ITFG1: variants seen among roughly 807,000 people sequenced by gnomAD.
The protein encoded by ITFG1 is T-cell immunomodulatory protein.
A neutral mutation model predicts 81.8 loss-of-function variants in ITFG1; 34 were observed. The ratio of observed to expected loss-of-function variants is 0.42; its 90% CI spans 0.32 to 0.55. ITFG1 has a LOEUF of 0.55. Among genes scored for constraint, ITFG1 ranks in the 20% least tolerant of loss-of-function variants. The pLI is 0.17. For synonymous variants in ITFG1, 285 were observed against 270.6 expected (o/e 1.05, Z -0.52); for missense variants, 672 against 755.4 (o/e 0.89, Z 1.29).
chr16:47,317,098 G>T (rs1337199467), intron 8 of ITFG1, among the ~76,000 whole-genome samples: 1 of 152,142 alleles, frequency 6.6e-6, no homozygotes, highest in East Asian at 1.9e-4. Context: ...GTAAAAATCA[G>T]CCTTTTTCAG....
At chr16:47,242,263 G>A (rs543639652) in intron 12 of ITFG1, among the ~76,000 whole-genome samples, 1 of 151,532 alleles carries the variant, frequency 6.6e-6, no homozygotes, top group East Asian at 1.9e-4. Flanking sequence ...CTAGATATCA[G>A]TTAGAAAATA....
chr16:47,184,844 AAG>A (rs1257890283), intron 14 of ITFG1, among the ~76,000 whole-genome samples: 1 of 152,196 alleles, frequency 6.6e-6, no homozygotes, highest in African/African-American at 2.4e-5. Flanking sequence ...AAATTGGATA[AAG>A]AGTCAAGACC....
chr16:47,442,814 G>A (rs1000907954), intron 5 of ITFG1, among the ~76,000 whole-genome samples: 4 of 152,110 alleles, frequency 2.6e-5, no homozygotes, highest in African/African-American at 7.2e-5. Flanking sequence ...GAAAACCTAG[G>A]CATTACCATT....
At chr16:47,187,324 A>G (rs1965233813) in intron 14 of ITFG1, among the ~76,000 whole-genome samples, 3 of 152,172 alleles carry the variant, frequency 2.0e-5, no homozygotes, top group Admixed American at 6.5e-5. Context: ...AGCCAAAAGA[A>G]CAAAGCTGGA....
At chr16:47,341,400 G>GAAA (rs545419792) in intron 8 of ITFG1, among the ~76,000 whole-genome samples, 1 of 64,348 alleles carries the variant, frequency 1.6e-5, no homozygotes, top group African/African-American at 6.0e-5. Context: ...CTGCGCCACT[G>GAAA]AAAAAAAAAA....
In ITFG1 at chr16:47,441,860, A is replaced by T. The variant is rs549212241; in HGVS notation, c.560+9536T>A. Among the ~76,000 whole-genome samples the T allele has an allele frequency of 2.0e-5, 3 of 151,864 alleles. No homozygotes were observed. In the South Asian group the frequency reaches 6.2e-4, roughly 32 times the overall value. ...TCAGGCAGGAGAAGGAAATAAAGGG[A>T]ATTCAATTAGGAAAAGAGGAAGTCA... On this transcript the variant is annotated intron_variant, in intron 5 of 17. Transcript: ENST00000320640.
At chr16:47,174,497 C>T (rs922591467) in intron 14 of ITFG1, among the ~76,000 whole-genome samples, 1 of 152,044 alleles carries the variant, frequency 6.6e-6, no homozygotes, top group South Asian at 2.1e-4. Flanking sequence ...GTCAACATAA[C>T]ACTGAATTCT....
At chr16:47,352,295 T>C (rs1221021344) in intron 8 of ITFG1, among the ~76,000 whole-genome samples, 1 of 152,162 alleles carries the variant, frequency 6.6e-6, no homozygotes, top group South Asian at 2.1e-4. Context: ...GAGAAAAGTT[T>C]TGCAATCTAC....
At chr16:47,220,827 A>C (rs1410207499) in intron 13 of ITFG1, among the ~76,000 whole-genome samples, 1 of 152,188 alleles carries the variant, frequency 6.6e-6, no homozygotes, top group Non-Finnish European at 1.5e-5. Flanking sequence ...ACCTCAAAAA[A>C]ATCTGCTCCT....
chr16:47,169,161 T>A, intron 14 of ITFG1, among the ~76,000 whole-genome samples: 1 of 152,188 alleles, frequency 6.6e-6, no homozygotes, highest in East Asian at 1.9e-4. Context: ...AAAGTGTAAG[T>A]CCTCTCAGCT....
rs1380530662 is a variant in ITFG1 at position 47,313,726 on chromosome 16, T to C, written c.897+3A>G. Reference sequence around the variant, plus strand: ...TGTTTACATTAAAAACAACTTGATATACCTGCTTCATCCCAGATCTCACTA... The same window carrying C: ...TGTTTACATTAAAAACAACTTGATACACCTGCTTCATCCCAGATCTCACTA... On this transcript the variant is annotated splice_donor_region_variant and intron_variant, in intron 9 of 17. Coordinates refer to ENST00000320640, the MANE Select transcript of ITFG1 (RefSeq NM_030790.5). 7.3e-6 allele frequency: 11 copies of C among 1,515,744 alleles called. No homozygotes were observed. The highest frequency in any genetic ancestry group is 6.3e-6 in the Non-Finnish European group (7 of 1,106,116). The allele number at this position is 1,515,744 out of a possible 1,614,324, so 93.9% of individuals were successfully genotyped here.
At chr16:47,274,744 C>T (rs1046684838) in intron 10 of ITFG1, among the ~76,000 whole-genome samples, 2 of 151,846 alleles carry the variant, frequency 1.3e-5, no homozygotes, top group Non-Finnish European at 2.9e-5. Flanking sequence ...CTTATATAGA[C>T]GTAACAGCTT....
intron 12 of ITFG1, among the ~76,000 whole-genome samples, chr16:47,246,578 C>T (rs1046507100): frequency 2.6e-5 from 4 of 152,178 alleles, no homozygotes; most frequent in African/African-American, 4.8e-5. Flanking sequence ...ATTTTACCTA[C>T]AGAACTTGAC....
At chr16:47,338,274 G>A (rs942859477) in intron 8 of ITFG1, among the ~76,000 whole-genome samples, 11 of 152,084 alleles carry the variant, frequency 7.2e-5, no homozygotes, top group Admixed American at 2.0e-4. Flanking sequence ...GGCCAGGAGC[G>A]GTGGCAGGCG....
chr16:47,401,175 G>A (rs905806450), intron 6 of ITFG1, among the ~76,000 whole-genome samples: 4 of 152,096 alleles, frequency 2.6e-5, no homozygotes, highest in South Asian at 2.1e-4. Context: ...TTGGATGTGA[G>A]GTGTGAGAAA....
At chr16:47,407,945 A>T (rs1968750460) in intron 6 of ITFG1, among the ~76,000 whole-genome samples, 1 of 152,178 alleles carries the variant, frequency 6.6e-6, no homozygotes, top group African/African-American at 2.4e-5. Flanking sequence ...TGTGCAAAGA[A>T]AGAAAAATAA....
chr16:47,361,742 C>T (rs1022000865), intron 8 of ITFG1, among the ~76,000 whole-genome samples: 1 of 152,170 alleles, frequency 6.6e-6, no homozygotes, highest in African/African-American at 2.4e-5. Context: ...GCCACTAATA[C>T]CCTGCTAAAA....
In ITFG1 at chr16:47,217,610, G is replaced by A. The variant is rs552192140; in HGVS notation, c.1453+1258C>T. 5.9e-5 allele frequency among the ~76,000 whole-genome samples: 9 copies of A among 152,320 alleles called. No homozygotes were observed. In the East Asian group the frequency reaches 1.7e-3, roughly 29 times the overall value. Reference sequence around the variant, plus strand: ...ATATCCTTATTTATCTTGAACTGCTGTGACTGACAGTGGTATATTAAAGTA... The same window carrying A: ...ATATCCTTATTTATCTTGAACTGCTATGACTGACAGTGGTATATTAAAGTA... On this transcript the variant is annotated intron_variant, in intron 14 of 17. Transcript: ENST00000320640.
chr16:47,245,774 C>CT (rs1965994812), intron 12 of ITFG1, among the ~76,000 whole-genome samples: 1 of 151,822 alleles, frequency 6.6e-6, no homozygotes, highest in East Asian at 1.9e-4. Flanking sequence ...TACAAATAGT[C>CT]TTCCTTAATC....
Sources: gnomAD v4.1 joint callset for allele counts (sites outside exome capture counted in the v4.1 genomes callset) on GRCh38, gnomAD v4.1.1 for gene constraint, MANE v1.5 for transcripts, NCBI Gene and HGNC (gene_info 2026-07-23, HGNC 2026-07-21) for gene names.